PARD3: variants seen among roughly 807,000 people sequenced by gnomAD.
PARD3 encodes partitioning defective 3 homolog.
A neutral mutation model predicts 155.4 loss-of-function variants in PARD3; 75 were observed. The ratio of observed to expected loss-of-function variants is 0.48; its 90% CI spans 0.40 to 0.58. PARD3 has a LOEUF of 0.58. Among genes scored for constraint, PARD3 ranks in the 20% least tolerant of loss-of-function variants. PARD3 has a pLI of 0.00. For missense variants in PARD3, 1,642 were observed against 1,721.7 expected (o/e 0.95, Z 0.82); for synonymous variants, 576 against 610.5 (o/e 0.94, Z 0.83).
chr10:34,462,457 C>T (rs1024019710), intron 4 of PARD3, among the ~76,000 whole-genome samples: 5 of 152,148 alleles, frequency 3.3e-5, no homozygotes, highest in East Asian at 1.9e-4. Context: ...CTTTTAAAAA[C>T]GTAATTTAGA....
intron 5 of PARD3, among the ~76,000 whole-genome samples, chr10:34,449,830 A>C (rs2076963449): frequency 6.6e-6 from 1 of 152,198 alleles, no homozygotes; most frequent in East Asian, 1.9e-4. Flanking sequence ...AGGTCCTTGA[A>C]ATTTATGAAG....
chr10:34,634,058 A>C (rs1056635380), intron 2 of PARD3, among the ~76,000 whole-genome samples: 27 of 152,320 alleles, frequency 1.8e-4, no homozygotes, highest in African/African-American at 6.0e-4. Context: ...AATCAGTAAC[A>C]GACCCAGGAA....
At chr10:34,649,510 A>G (rs2092942891) in intron 2 of PARD3, among the ~76,000 whole-genome samples, 1 of 152,250 alleles carries the variant, frequency 6.6e-6, no homozygotes, top group Non-Finnish European at 1.5e-5. Flanking sequence ...TAGACAAGGT[A>G]CAGTCAAACA....
chr10:34,619,404 T>C (rs1222157839), intron 2 of PARD3, among the ~76,000 whole-genome samples: 1 of 152,122 alleles, frequency 6.6e-6, no homozygotes, highest in Admixed American at 6.5e-5. Context: ...TCCTAAAAAA[T>C]TGTGTTGTTC....
At chr10:34,772,869 T>TAA (rs1335368415) in intron 1 of PARD3, among the ~76,000 whole-genome samples, 1 of 151,238 alleles carries the variant, frequency 6.6e-6, no homozygotes, top group Admixed American at 6.6e-5. Flanking sequence ...AGAAAGCCTG[T>TAA]AATAAATACC....
At chr10:34,372,621 A>T in intron 11 of PARD3, 85 bp from the exon 12 acceptor site, 1 of 996,200 alleles carries the variant, frequency 1.0e-6, no homozygotes, top group Admixed American at 1.9e-5. Context: ...TTTTAAAGAA[A>T]ATTTTGTTGA....
At chr10:34,334,963 G>A (rs1836007299) in intron 18 of PARD3, among the ~76,000 whole-genome samples, 1 of 151,876 alleles carries the variant, frequency 6.6e-6, no homozygotes, top group Non-Finnish European at 1.5e-5. Context: ...TTACCTAACT[G>A]ACATTGTATA....
chr10:34,676,614 G>C (rs1031659993), intron 2 of PARD3, among the ~76,000 whole-genome samples: 1 of 152,136 alleles, frequency 6.6e-6, no homozygotes, highest in Admixed American at 6.5e-5. Flanking sequence ...GGAACGACAC[G>C]CAATTAGAAG....
intron 2 of PARD3, among the ~76,000 whole-genome samples, chr10:34,524,798 C>T (rs1006932379): frequency 1.3e-5 from 2 of 152,174 alleles, no homozygotes; most frequent in African/African-American, 4.8e-5. Context: ...GATAGGTTGA[C>T]TCCAAACTGG....
intron 15 of PARD3, among the ~76,000 whole-genome samples, chr10:34,342,053 T>C (rs1340918386): frequency 6.6e-6 from 1 of 152,174 alleles, no homozygotes; most frequent in Non-Finnish European, 1.5e-5. Context: ...ATGCATGCAA[T>C]TTTTCTGGTT....
intron 2 of PARD3, among the ~76,000 whole-genome samples, chr10:34,657,872 C>T (rs1227076828): frequency 1.3e-5 from 2 of 151,310 alleles, no homozygotes; most frequent in African/African-American, 2.4e-5. Flanking sequence ...AACAGCCAGG[C>T]GCGGTGGCTC....
Position 34,317,319 on chromosome 10 carries a change from T to C in PARD3, c.2853A>G (p.Glu951=). ...CAGACTCTCTCCCTGATCTTGAACT[T>C]TCTTCTGTGTCTTCTTCCACTTGGA... ...GMETLEEDTE[E]SSRSGRESVS... is the part of the protein sequence containing the mutation. The change falls in exon 20 of 25, where the codon GAA becomes GAG. Residue 951 remains glutamate (E), a synonymous_variant. Transcript: ENST00000374788. The C allele has an allele frequency of 2.5e-6, 4 of 1,604,920 alleles. No individual in the cohort carries two copies. The highest frequency in any genetic ancestry group is 3.4e-6 in the Non-Finnish European group (4 of 1,177,198).
intron 22 of PARD3, among the ~76,000 whole-genome samples, chr10:34,227,865 T>C (rs1260542565): frequency 8.0e-6 from 1 of 125,570 alleles, no homozygotes. Context: ...TTTATATATA[T>C]ATATATATAT....
Position 34,230,508 on chromosome 10 carries a change from C to T in PARD3, c.3419+39149G>A, listed in dbSNP as rs146434695. 4.0e-3 allele frequency among the ~76,000 whole-genome samples: 606 copies of T among 152,190 alleles called. 11 individuals are homozygous for T. Among genetic ancestry groups the T allele is most frequent in the African/African-American group, 0.013 (538 of 41,472 alleles). On this transcript the variant is annotated intron_variant, in intron 22 of 24. Coordinates refer to ENST00000374788, the MANE Select transcript of PARD3 (RefSeq NM_001184785.2). ...TAGACTGAAAGTTTTCCATACCTAG[C>T]GACTCCCACTAGTCACCTGACTATA...
intron 1 of PARD3, among the ~76,000 whole-genome samples, chr10:34,758,560 C>T (rs925924312): frequency 1.5e-4 from 23 of 152,062 alleles, no homozygotes; most frequent in African/African-American, 5.1e-4. Context: ...CCTCTTATCA[C>T]GTCACACTGT....
intron 3 of PARD3, among the ~76,000 whole-genome samples, chr10:34,481,491 G>A (rs2079080510): frequency 6.6e-6 from 1 of 152,076 alleles, no homozygotes; most frequent in South Asian, 2.1e-4. Flanking sequence ...ATAAAAACGT[G>A]GTATCCCCAG....
chr10:34,548,562 G>GA (rs10710389), intron 2 of PARD3, among the ~76,000 whole-genome samples: 7 of 151,010 alleles, frequency 4.6e-5, no homozygotes, highest in Admixed American at 1.3e-4. Context: ...TAAGATAACA[G>GA]AAAAAAAAAT....
chr10:34,215,314 A>G (rs927569578), intron 22 of PARD3, among the ~76,000 whole-genome samples: 1 of 152,160 alleles, frequency 6.6e-6, no homozygotes, highest in Non-Finnish European at 1.5e-5. Context: ...TATTTGAGGG[A>G]TTTCCTAAGT....
At chr10:34,338,161 A>C (rs1166533279) in intron 16 of PARD3, among the ~76,000 whole-genome samples, 2 of 152,232 alleles carry the variant, frequency 1.3e-5, no homozygotes, top group Non-Finnish European at 2.9e-5. Context: ...AATCAGGAAG[A>C]AAATGACTAA....
Sources: gnomAD v4.1 joint callset for allele counts (sites outside exome capture counted in the v4.1 genomes callset) on GRCh38, gnomAD v4.1.1 for gene constraint, MANE v1.5 for transcripts, NCBI Gene and HGNC (gene_info 2026-07-23, HGNC 2026-07-21) for gene names.